Variants in TMEM132D observed in about 807,000 individuals in gnomAD.
TMEM132D encodes mature OL transmembrane protein.
TMEM132D carries 21 observed loss-of-function variants against 62.3 expected under a neutral mutation model. The observed-to-expected ratio is 0.34, with a 90% CI of 0.24 to 0.49. TMEM132D has a LOEUF of 0.49. Ranked by LOEUF, TMEM132D falls within the 20% of genes least tolerant of loss-of-function variation. The pLI, the probability that TMEM132D is intolerant of heterozygous loss-of-function variation, is 0.99. For synonymous variants in TMEM132D, 621 were observed against 575.6 expected (o/e 1.08, Z -1.13); for missense variants, 1,346 against 1,402.8 (o/e 0.96, Z 0.65).
Position 129,084,576 on chromosome 12 carries a change from G to A in TMEM132D, c.1570C>T (p.Leu524Phe). ...TCGGAGACCTCGATCTGCAGCGGAA[G>A]CCGGGGCACCCACACCGTCATCTCC... The part of the protein sequence containing the change: ...PLEMTVWVPR[L>F]PLQIEVSDTE... The change falls in exon 6 of 9, where the codon CTT (leucine) becomes TTT (phenylalanine). Residue 524 changes from leucine (L) to phenylalanine (F), a missense_variant. Coordinates refer to ENST00000422113, the MANE Select transcript of TMEM132D (RefSeq NM_133448.3). 1 of 1,614,118 alleles carries A rather than the reference G, an allele frequency of 6.2e-7. No individual in the cohort carries two copies. The highest frequency in any genetic ancestry group is 8.5e-7 in the Non-Finnish European group (1 of 1,179,988).
At chr12:129,467,882 A>G (rs1187584099) in intron 3 of TMEM132D, among the ~76,000 whole-genome samples, 1 of 152,176 alleles carries the variant, frequency 6.6e-6, no homozygotes, top group African/African-American at 2.4e-5. Context: ...GGAAGGAGGC[A>G]AGCCCAGAAC....
intron 1 of TMEM132D, among the ~76,000 whole-genome samples, chr12:129,901,867 C>T (rs111359778): frequency 0.088 from 13,113 of 148,436 alleles, 613 homozygotes; most frequent in Middle Eastern, 0.23. Flanking sequence ...ACCAACCCCC[C>T]CCGCCCCAAA....
chr12:129,244,463 G>A lies in TMEM132D; in HGVS notation c.1300-34800C>T, dbSNP rs573484851. On this transcript the variant is annotated intron_variant, in intron 4 of 8. Transcript: ENST00000422113. ...CATTTGTTCATTCAGCAAACTTCTT[G>A]CTCCTACGGTGCATAGACAATGCTT... Among the ~76,000 whole-genome samples, 86 of 149,192 alleles carry A rather than the reference G, an allele frequency of 5.8e-4. 1 individual carries two copies. The highest frequency in any genetic ancestry group is 1.1e-3 in the Non-Finnish European group (72 of 67,332).
At chr12:129,865,992 C>T (rs907765835) in intron 1 of TMEM132D, among the ~76,000 whole-genome samples, 1 of 152,084 alleles carries the variant, frequency 6.6e-6, no homozygotes, top group Non-Finnish European at 1.5e-5. Flanking sequence ...ACTAAGACAT[C>T]GTTAAGTTTG....
At chr12:129,355,977 G>A (rs1038858666) in intron 3 of TMEM132D, among the ~76,000 whole-genome samples, 1 of 152,086 alleles carries the variant, frequency 6.6e-6, no homozygotes, top group Admixed American at 6.5e-5. Context: ...GACGGGATCA[G>A]GGTGAAGCTA....
intron 3 of TMEM132D, among the ~76,000 whole-genome samples, chr12:129,401,210 GCAGGT>G (rs1871611505): frequency 6.6e-6 from 1 of 152,328 alleles, no homozygotes; most frequent in South Asian, 2.1e-4. Flanking sequence ...TACCCTCAGA[GCAGGT>G]GTTTACATAA....
chr12:129,646,145 C>T (rs953208421), intron 2 of TMEM132D, among the ~76,000 whole-genome samples: 5 of 152,126 alleles, frequency 3.3e-5, no homozygotes, highest in African/African-American at 1.2e-4. Flanking sequence ...AAGCCAAAAA[C>T]CCACTTGGCT....
chr12:129,899,396 T>C (rs1875270140), intron 1 of TMEM132D, among the ~76,000 whole-genome samples: 1 of 96,824 alleles, frequency 1.0e-5, no homozygotes, highest in African/African-American at 4.6e-5. Flanking sequence ...GGGTGGATAA[T>C]GGATGGATGC....
chr12:129,437,891 C>T (rs1280950182), intron 3 of TMEM132D, among the ~76,000 whole-genome samples: 1 of 131,456 alleles, frequency 7.6e-6, no homozygotes, highest in Non-Finnish European at 1.6e-5. Context: ...CCTCCCCCAG[C>T]CCCCCTCCCC....
intron 4 of TMEM132D, among the ~76,000 whole-genome samples, chr12:129,272,000 T>C (rs1024105000): frequency 6.6e-6 from 1 of 151,964 alleles, no homozygotes; most frequent in Admixed American, 6.5e-5. Context: ...CCTTCCACAA[T>C]GCTCCAACTA....
intron 4 of TMEM132D, among the ~76,000 whole-genome samples, chr12:129,231,314 T>G (rs2306515): frequency 0.32 from 49,122 of 152,118 alleles, 8,308 homozygotes; most frequent in Middle Eastern, 0.42. Context: ...GAATGTGCAT[T>G]ATGGCCATGT....
chr12:129,713,999 A>G (rs1429700016), intron 1 of TMEM132D, among the ~76,000 whole-genome samples: 1 of 152,244 alleles, frequency 6.6e-6, no homozygotes, highest in Non-Finnish European at 1.5e-5. Flanking sequence ...GACCCCAGGT[A>G]AGGTGATAGA....
chr12:129,505,735 A>C (rs1334907902), intron 3 of TMEM132D, among the ~76,000 whole-genome samples: 1 of 152,124 alleles, frequency 6.6e-6, no homozygotes, highest in Non-Finnish European at 1.5e-5. Flanking sequence ...CAGGATTGTG[A>C]TATTTTCCTG....
chr12:129,230,449 A>G (rs1879607275), intron 4 of TMEM132D, among the ~76,000 whole-genome samples: 1 of 152,268 alleles, frequency 6.6e-6, no homozygotes, highest in African/African-American at 2.4e-5. Context: ...AATGAAGATG[A>G]TTATTAGACC....
rs149797013 is a variant in TMEM132D, at chr12:129,259,500, A to G, written c.1300-49837T>C. 3.4e-3 allele frequency among the ~76,000 whole-genome samples: 518 copies of G among 152,338 alleles called. 4 individuals are homozygous for G. The highest frequency in any genetic ancestry group is 0.012 in the African/African-American group (490 of 41,584). On this transcript the variant is annotated intron_variant, in intron 4 of 8. Coordinates refer to ENST00000422113, the MANE Select transcript of TMEM132D (RefSeq NM_133448.3). ...AGAAGATGAAGTTGGAAAGGGAGGC[A>G]GGATCCAGACCGTATCTTCCCTGTA...
intron 1 of TMEM132D, among the ~76,000 whole-genome samples, chr12:129,702,051 TC>T (rs1259152225): frequency 6.6e-6 from 1 of 152,216 alleles, no homozygotes; most frequent in Non-Finnish European, 1.5e-5. Context: ...CACTGTAGCC[TC>T]AGCCCAGCTG....
intron 1 of TMEM132D, among the ~76,000 whole-genome samples, chr12:129,822,062 A>T (rs1361681543): frequency 6.6e-6 from 1 of 152,206 alleles, no homozygotes; most frequent in African/African-American, 2.4e-5. Context: ...ACAGGAAATA[A>T]ATACATCAGA....
chr12:129,332,297 C>G (rs1186429163), intron 4 of TMEM132D, among the ~76,000 whole-genome samples: 3 of 151,658 alleles, frequency 2.0e-5, no homozygotes, highest in South Asian at 4.2e-4. Context: ...GATTAAGAAA[C>G]TAAAAAGTTT....
chr12:129,320,523 A>C (rs1868664677), intron 4 of TMEM132D, among the ~76,000 whole-genome samples: 1 of 152,226 alleles, frequency 6.6e-6, no homozygotes, highest in East Asian at 1.9e-4. Context: ...AGATGATACT[A>C]GAAGAGACTG....
Sources: allele counts gnomAD v4.1 joint callset (sites outside exome capture counted in the v4.1 genomes callset), GRCh38; gene constraint gnomAD v4.1.1; transcripts MANE v1.5; gene names NCBI Gene and HGNC (gene_info 2026-07-23, HGNC 2026-07-21).